The following CDC73 variants were observed in gnomAD, a reference collection of about 807,000 sequenced individuals.
CDC73 encodes parafibromin.
A neutral mutation model predicts 83.7 loss-of-function variants in CDC73; 21 were observed. The ratio of observed to expected loss-of-function variants is 0.25; its 90% CI spans 0.18 to 0.36. The LOEUF is 0.36. Among genes scored for constraint, CDC73 ranks in the 10% least tolerant of loss-of-function variants. CDC73 has a pLI of 1.00. For synonymous variants in CDC73, 224 were observed against 212.9 expected (o/e 1.05, Z -0.45); for missense variants, 342 against 653.3 (o/e 0.52, Z 5.19).
intron 3 of CDC73, among the ~76,000 whole-genome samples, chr1:193,132,344 A>C (rs566753296): frequency 6.6e-6 from 1 of 152,354 alleles, no homozygotes; most frequent in South Asian, 2.1e-4. Flanking sequence ...CAAAATGCCA[A>C]ATCCCTGTCT....
chr1:193,149,982 G>A (rs1476470177), intron 8 of CDC73, among the ~76,000 whole-genome samples: 1 of 151,988 alleles, frequency 6.6e-6, no homozygotes, highest in Admixed American at 6.6e-5. Flanking sequence ...GTATTATGTC[G>A]TAAAGGTACT....
At chr1:193,164,804 T>C (rs151307266) in intron 10 of CDC73, among the ~76,000 whole-genome samples, 201 of 152,348 alleles carry the variant, frequency 1.3e-3, no homozygotes, top group African/African-American at 4.5e-3. Context: ...TATAGATTAC[T>C]GAGTCAACTT....
chr1:193,167,728 C>A (rs999277680), intron 10 of CDC73, among the ~76,000 whole-genome samples: 11 of 152,040 alleles, frequency 7.2e-5, no homozygotes, highest in African/African-American at 2.4e-4. Flanking sequence ...GGGAATGTTG[C>A]AATGAGGGCT....
chr1:193,175,114 G>A (rs1400737755), intron 10 of CDC73, among the ~76,000 whole-genome samples: 3 of 152,154 alleles, frequency 2.0e-5, no homozygotes, highest in Non-Finnish European at 4.4e-5. Flanking sequence ...TATGGGCCTT[G>A]TAGCTGGCCA....
intron 13 of CDC73, among the ~76,000 whole-genome samples, chr1:193,218,509 C>T (rs887941347): frequency 6.6e-6 from 1 of 152,168 alleles, no homozygotes; most frequent in Non-Finnish European, 1.5e-5. Flanking sequence ...TACACAATTT[C>T]AAACTATACA....
intron 3 of CDC73, 30 bp downstream of exon 3, chr1:193,130,273 TAAAC>T (rs757061976): frequency 6.0e-5 from 75 of 1,244,138 alleles, no homozygotes; most frequent in Non-Finnish European, 8.2e-5. Flanking sequence ...TTCCCAGTCT[TAAAC>T]AGACATTGTT....
intron 9 of CDC73, among the ~76,000 whole-genome samples, chr1:193,151,899 C>T (rs938443344): frequency 4.6e-5 from 7 of 152,032 alleles, no homozygotes; most frequent in African/African-American, 1.7e-4. Flanking sequence ...TGCCACTGTA[C>T]TCCAGCCTAG....
intron 10 of CDC73, among the ~76,000 whole-genome samples, chr1:193,169,795 A>AT (rs1676489981): frequency 6.6e-6 from 1 of 151,744 alleles, no homozygotes; most frequent in African/African-American, 2.4e-5. Flanking sequence ...TTGTAATTTT[A>AT]TTTCTTTTTT....
chr1:193,179,705 AAT>A (rs1676678371), intron 10 of CDC73: 1 of 152,566 alleles, frequency 6.6e-6, no homozygotes, highest in South Asian at 2.1e-4. Flanking sequence ...AATTTAAAAT[AAT>A]ATCTCAGTTA....
chr1:193,244,981 G>A (rs996493005), intron 15 of CDC73, among the ~76,000 whole-genome samples: 4 of 152,130 alleles, frequency 2.6e-5, no homozygotes, highest in Non-Finnish European at 4.4e-5. Context: ...ATGTATGTTA[G>A]ATATATCTTT....
chr1:193,182,943 TAAA>T (rs1252951209), intron 10 of CDC73, among the ~76,000 whole-genome samples: 1 of 152,040 alleles, frequency 6.6e-6, no homozygotes, highest in East Asian at 1.9e-4. Flanking sequence ...AGAAATCAAT[TAAA>T]AAGTTTTAAT....
intron 13 of CDC73, among the ~76,000 whole-genome samples, chr1:193,219,918 T>C (rs1558315232): frequency 6.6e-6 from 1 of 152,190 alleles, no homozygotes; most frequent in Admixed American, 6.5e-5. Context: ...TTGGGTTTTA[T>C]TCTGGTCTTG....
At chr1:193,198,705 A>G (rs373420074) in intron 10 of CDC73, among the ~76,000 whole-genome samples, 67 of 152,364 alleles carry the variant, frequency 4.4e-4, no homozygotes, top group African/African-American at 1.5e-3. Flanking sequence ...GAATGAGGAA[A>G]GAGAGAAAAA....
At chr1:193,162,755 A>T (rs1315244798) in intron 10 of CDC73, among the ~76,000 whole-genome samples, 4 of 152,126 alleles carry the variant, frequency 2.6e-5, no homozygotes, top group Non-Finnish European at 5.9e-5. Context: ...TCAATCCTGT[A>T]ATCATTTACC....
intron 8 of CDC73, among the ~76,000 whole-genome samples, chr1:193,148,534 T>C (rs1676048533): frequency 6.6e-6 from 1 of 152,008 alleles, no homozygotes; most frequent in South Asian, 2.1e-4. Flanking sequence ...TGAAAATCCT[T>C]CCAGCTATTT....
chr1:193,234,173 T>TCACACA (rs1473284325), intron 14 of CDC73, among the ~76,000 whole-genome samples: 1 of 68,368 alleles, frequency 1.5e-5, no homozygotes, highest in Non-Finnish European at 2.9e-5. Flanking sequence ...TCTCTCTCTC[T>TCACACA]CTCACACACA....
intron 2 of CDC73, among the ~76,000 whole-genome samples, chr1:193,129,100 C>T (rs1034531328): frequency 3.3e-5 from 5 of 151,070 alleles, no homozygotes; most frequent in South Asian, 2.1e-4. Flanking sequence ...CAGGTTCAAG[C>T]GATTCTCTTG....
At position 193,254,650 on chromosome 1, in the gene CDC73, C is replaced by A. The variant is rs565081054; in HGVS notation, c.*3938C>A. 1.3e-5 allele frequency among the ~76,000 whole-genome samples: 2 copies of A among 152,148 alleles called. No homozygotes were observed. Among genetic ancestry groups the A allele is most frequent in the African/African-American group, 4.8e-5 (2 of 41,514 alleles). On this transcript the variant is annotated 3_prime_UTR_variant, in exon 17 of 17. Coordinates refer to ENST00000367435, the MANE Select transcript of CDC73 (RefSeq NM_024529.5). ...TTTAGTTAGTATATAATAGATAATA[C>A]TTGCAGGTTTTTTATGTGTTTTGGG...
chr1:193,247,813 TGA>T (rs1490921464), intron 15 of CDC73, among the ~76,000 whole-genome samples: 4 of 152,060 alleles, frequency 2.6e-5, no homozygotes, highest in Non-Finnish European at 5.9e-5. Context: ...CTGTGAAGGC[TGA>T]GAGAGGAGAG....
Sources: allele counts gnomAD v4.1 joint callset (sites outside exome capture counted in the v4.1 genomes callset), GRCh38; gene constraint gnomAD v4.1.1; transcripts MANE v1.5; gene names NCBI Gene and HGNC (gene_info 2026-07-23, HGNC 2026-07-21).